PLD5: variants seen among roughly 807,000 people sequenced by gnomAD.
PLD5 encodes the protein phospholipase D family member 5.
In PLD5, 36 loss-of-function variants were observed where a neutral mutation model predicts 61.1. The ratio of observed to expected loss-of-function variants is 0.59; its 90% CI spans 0.45 to 0.78. PLD5 has a LOEUF of 0.78. Ranked by LOEUF, PLD5 falls within the 30% of genes least tolerant of loss-of-function variation. The probability of loss-of-function intolerance (pLI) is 0.00; values close to 1 mark genes in which losing one functional copy is unlikely to be tolerated. For synonymous variants in PLD5, 243 were observed against 242.8 expected (o/e 1.00, Z -0.01); for missense variants, 515 against 644.4 (o/e 0.80, Z 2.17).
At chr1:242,131,627 C>T (rs529705941) in intron 5 of PLD5, among the ~76,000 whole-genome samples, 2 of 152,028 alleles carry the variant, frequency 1.3e-5, no homozygotes, top group Non-Finnish European at 2.9e-5. Flanking sequence ...CAAGAATACT[C>T]AAAAATGAGT....
At chr1:242,361,567 GACAAA>G (rs538226092) in intron 1 of PLD5, among the ~76,000 whole-genome samples, 324 of 152,122 alleles carry the variant, frequency 2.1e-3, no homozygotes, top group African/African-American at 7.5e-3. Context: ...AACTTCACAA[GACAAA>G]ACAAAATTTA....
intron 1 of PLD5, among the ~76,000 whole-genome samples, chr1:242,434,158 G>A (rs1303291028): frequency 6.6e-6 from 1 of 152,236 alleles, no homozygotes; most frequent in Non-Finnish European, 1.5e-5. Context: ...TCAGGACACA[G>A]TTACCATAGT....
intron 1 of PLD5, among the ~76,000 whole-genome samples, chr1:242,394,238 GTA>G (rs200952144): frequency 0.099 from 7,612 of 76,984 alleles, 2,478 homozygotes; most frequent in Admixed American, 0.16. Context: ...ATATATATGA[GTA>G]TATATATGTG....
chr1:242,175,148 A>G (rs550205184), intron 5 of PLD5, among the ~76,000 whole-genome samples: 1 of 152,226 alleles, frequency 6.6e-6, no homozygotes, highest in Non-Finnish European at 1.5e-5. Context: ...GACACAGCAA[A>G]AAAAGAAAAT....
At chr1:242,496,446 G>T (rs1668372172) in intron 1 of PLD5, among the ~76,000 whole-genome samples, 2 of 152,182 alleles carry the variant, frequency 1.3e-5, no homozygotes, top group Non-Finnish European at 2.9e-5. Flanking sequence ...TGATTTAATA[G>T]CTTCTACCAC....
At chr1:242,284,464 C>G (rs1290073498) in intron 3 of PLD5, among the ~76,000 whole-genome samples, 1 of 152,088 alleles carries the variant, frequency 6.6e-6, no homozygotes, top group South Asian at 2.1e-4. Context: ...CCAAGAAATG[C>G]GGTCTTCAGA....
intron 4 of PLD5, among the ~76,000 whole-genome samples, chr1:242,240,120 T>C (rs1231414140): frequency 6.6e-6 from 1 of 152,250 alleles, no homozygotes; most frequent in Non-Finnish European, 1.5e-5. Context: ...TATTTTACAC[T>C]GCACATGGCA....
At chr1:242,236,267 T>G (rs1475730422) in intron 4 of PLD5, among the ~76,000 whole-genome samples, 1 of 152,162 alleles carries the variant, frequency 6.6e-6, no homozygotes, top group Non-Finnish European at 1.5e-5. Flanking sequence ...AGCTATCCAG[T>G]CTATGGTATT....
Position 242,404,875 on chromosome 1 carries a change from A to ATTTTTTTTTTTTTTTTTTTTT in PLD5, c.190-56654_190-56634dup. ...CATGCCTCTTATCTGTTCCCTGCTA[A>ATTTTTTTTTTTTTTTTTTTTT]TTTTTTTTTTTTTTTTTTTTTTGAG... On this transcript the variant is annotated intron_variant, in intron 1 of 9. Transcript: ENST00000536534. 1.0e-3 allele frequency among the ~76,000 whole-genome samples: 78 copies of ATTTTTTTTTTTTTTTTTTTTT among 75,386 alleles called. 9 individuals carry two copies. The highest frequency in any genetic ancestry group is 2.0e-3 in the African/African-American group (32 of 16,358). 49.5% of individuals were successfully genotyped at this position (75,386 alleles called of 152,430 possible).
chr1:242,328,629 A>G (rs994688240), intron 2 of PLD5, among the ~76,000 whole-genome samples: 17 of 152,236 alleles, frequency 1.1e-4, no homozygotes, highest in African/African-American at 7.2e-5. Context: ...TGCATAGTAC[A>G]TTTGATGTAT....
intron 1 of PLD5, among the ~76,000 whole-genome samples, chr1:242,476,496 A>C (rs1436122957): frequency 6.6e-6 from 1 of 152,250 alleles, no homozygotes; most frequent in East Asian, 1.9e-4. Context: ...AGAATAAGTA[A>C]AAACTGGTAT....
chr1:242,209,849 C>T (rs1471910078), intron 5 of PLD5, among the ~76,000 whole-genome samples: 2 of 152,190 alleles, frequency 1.3e-5, no homozygotes, highest in African/African-American at 4.8e-5. Flanking sequence ...GGCTGGACTG[C>T]AGTGGTGCAA....
intron 4 of PLD5, among the ~76,000 whole-genome samples, chr1:242,264,633 T>C (rs1673552107): frequency 6.6e-6 from 1 of 152,166 alleles, no homozygotes; most frequent in Non-Finnish European, 1.5e-5. Context: ...CCTGTCCTCT[T>C]CTAGGGACGT....
At chr1:242,264,455 C>T (rs1230947253) in intron 4 of PLD5, among the ~76,000 whole-genome samples, 3 of 152,092 alleles carry the variant, frequency 2.0e-5, no homozygotes, top group African/African-American at 4.8e-5. Flanking sequence ...GAGGAAGGGC[C>T]GCTGGGGCTC....
At chr1:242,213,478 C>A (rs1384684014) in intron 5 of PLD5, among the ~76,000 whole-genome samples, 3 of 152,048 alleles carry the variant, frequency 2.0e-5, no homozygotes, top group African/African-American at 7.3e-5. Flanking sequence ...CACAAATGTC[C>A]TCTCTTTGGA....
At chr1:242,140,288 G>A (rs969238072) in intron 5 of PLD5, among the ~76,000 whole-genome samples, 2 of 152,184 alleles carry the variant, frequency 1.3e-5, no homozygotes, top group Non-Finnish European at 2.9e-5. Context: ...TTGCAAGAAA[G>A]TCTGAGAGTT....
intron 1 of PLD5, among the ~76,000 whole-genome samples, chr1:242,502,513 T>C (rs1419457267): frequency 6.6e-6 from 1 of 152,230 alleles, no homozygotes; most frequent in Non-Finnish European, 1.5e-5. Context: ...AATTACAGTA[T>C]AACAAAACAT....
chr1:242,288,265 T>G, intron 3 of PLD5, 97 bp downstream of exon 3: 9 of 1,559,154 alleles, frequency 5.8e-6, no homozygotes, highest in Non-Finnish European at 7.8e-6. Context: ...TAGACTAAAA[T>G]AAATGAGCTT....
At chr1:242,173,684 T>C (rs1301723189) in intron 5 of PLD5, among the ~76,000 whole-genome samples, 1 of 152,204 alleles carries the variant, frequency 6.6e-6, no homozygotes, top group Non-Finnish European at 1.5e-5. Flanking sequence ...AGCATGGTAC[T>C]GGTACCAAAA....
Sources: gnomAD v4.1 joint callset for allele counts (sites outside exome capture counted in the v4.1 genomes callset) on GRCh38, gnomAD v4.1.1 for gene constraint, MANE v1.5 for transcripts, NCBI Gene and HGNC (gene_info 2026-07-23, HGNC 2026-07-21) for gene names.